Variants in CDC42BPA observed in about 807,000 individuals in gnomAD.
The protein encoded by CDC42BPA is CDC42 binding protein kinase alpha, also known as serine/threonine-protein kinase MRCK alpha.
A neutral mutation model predicts 223.5 loss-of-function variants in CDC42BPA; 80 were observed. The ratio of observed to expected loss-of-function variants is 0.36; its 90% confidence interval spans 0.30 to 0.43. The LOEUF is 0.43. CDC42BPA is among the 20% of genes least tolerant of loss of function. CDC42BPA has a pLI of 1.00. For synonymous variants in CDC42BPA, 694 were observed against 718.6 expected (o/e 0.97, Z 0.55); for missense variants, 1,743 against 2,099.9 (o/e 0.83, Z 3.32).
intron 5 of CDC42BPA, among the ~76,000 whole-genome samples, chr1:227,175,518 A>T (rs1666800678): frequency 6.6e-6 from 1 of 152,192 alleles, no homozygotes; most frequent in African/African-American, 2.4e-5. Context: ...CCAAGTAATC[A>T]TTCATTACAT....
intron 17 of CDC42BPA, among the ~76,000 whole-genome samples, chr1:227,078,044 TAAGTG>T (rs1319683586): frequency 6.6e-6 from 1 of 152,134 alleles, no homozygotes; most frequent in Non-Finnish European, 1.5e-5. Context: ...ATCTTACAAA[TAAGTG>T]AAGGTAAAAT....
Position 227,257,780 on chromosome 1 carries a change from A to T in CDC42BPA, c.179-3625T>A, listed in dbSNP as rs561997120. The stretch of plus-strand genomic sequence containing the variant: ...AAAAAAAAAGGAAGAAAACTTTTTT[A>T]AAAATCACACGCAAGTTTGACAAGG... On this transcript the variant is annotated intron_variant, in intron 1 of 36. Transcript: ENST00000366766. Among the ~76,000 whole-genome samples, 12 of 150,610 alleles carry T rather than the reference A, an allele frequency of 8.0e-5. No individual in the cohort carries two copies. In the East Asian group the frequency reaches 2.3e-3, roughly 29 times the overall value.
At chr1:227,219,020 A>G (rs1675368349) in intron 2 of CDC42BPA, among the ~76,000 whole-genome samples, 1 of 152,186 alleles carries the variant, frequency 6.6e-6, no homozygotes, top group African/African-American at 2.4e-5. Flanking sequence ...TGGCTATAAA[A>G]TACAGTATGC....
intron 24 of CDC42BPA, among the ~76,000 whole-genome samples, chr1:227,039,510 A>T (rs963176795): frequency 6.6e-6 from 1 of 152,178 alleles, no homozygotes; most frequent in Non-Finnish European, 1.5e-5. Context: ...CAGAGGTCCT[A>T]GGAAAAATAA....
intron 5 of CDC42BPA, among the ~76,000 whole-genome samples, chr1:227,165,797 TA>T (rs1467769667): frequency 6.6e-6 from 1 of 152,160 alleles, no homozygotes; most frequent in Admixed American, 6.5e-5. Flanking sequence ...AAATAACTTT[TA>T]AAAAATAGAA....
At chr1:227,056,163 C>T (rs192751093) in intron 21 of CDC42BPA, among the ~76,000 whole-genome samples, 1 of 152,220 alleles carries the variant, frequency 6.6e-6, no homozygotes, top group East Asian at 1.9e-4. Context: ...TAAAACCACT[C>T]ATCTTGAATA....
intron 6 of CDC42BPA, among the ~76,000 whole-genome samples, chr1:227,149,588 C>CA (rs1233168330): frequency 6.6e-6 from 1 of 151,968 alleles, no homozygotes; most frequent in Non-Finnish European, 1.5e-5. Flanking sequence ...TCAACAAACA[C>CA]AAAAGTTTTT....
intron 1 of CDC42BPA, among the ~76,000 whole-genome samples, chr1:227,287,124 C>T (rs570554010): frequency 3.3e-5 from 5 of 152,338 alleles, no homozygotes; most frequent in African/African-American, 1.2e-4. Flanking sequence ...TCAATGCTTG[C>T]TGATAAAAGT....
intron 3 of CDC42BPA, among the ~76,000 whole-genome samples, chr1:227,200,125 A>ATGTGT (rs1553391760): frequency 2.0e-5 from 3 of 151,638 alleles, no homozygotes; most frequent in Non-Finnish European, 2.9e-5. Context: ...CAAACAACAG[A>ATGTGT]TTTGTGTTTT....
intron 2 of CDC42BPA, among the ~76,000 whole-genome samples, chr1:227,237,508 G>A (rs1012706322): frequency 2.0e-5 from 3 of 152,070 alleles, no homozygotes; most frequent in Non-Finnish European, 4.4e-5. Flanking sequence ...TCTGGAGATC[G>A]CGCTACATAG....
chr1:227,024,618 T>C (rs749977979), intron 31 of CDC42BPA, among the ~76,000 whole-genome samples: 2 of 152,162 alleles, frequency 1.3e-5, no homozygotes, highest in African/African-American at 4.8e-5. Context: ...CAATAAACTA[T>C]ATGGTATATA....
chr1:227,052,045 G>A (rs10799381), intron 21 of CDC42BPA, 60 bp from the exon 22 acceptor site: 1 of 1,008,074 alleles, frequency 9.9e-7, no homozygotes, highest in Middle Eastern at 2.5e-4. Context: ...CAATGTGCAG[G>A]CTTAGCAAAT....
At position 227,317,012 on chromosome 1, in the gene CDC42BPA, T is replaced by C. The variant is rs1694524107; in HGVS notation, c.171A>G (p.Leu57=). 11 of 1,612,076 alleles carry C rather than the reference T, an allele frequency of 6.8e-6. No individual in the cohort carries two copies. The highest frequency in any genetic ancestry group is 6.6e-5 in the South Asian group (6 of 90,960). ...TAAAAATTACAAACTTACCCCATTCTAGGTATTCGAGAATGTTCTTCTCTC... is the reference window on the plus strand; with the variant it reads ...TAAAAATTACAAACTTACCCCATTCCAGGTATTCGAGAATGTTCTTCTCTC... ...LRREKNILEY[L]EWAKPFTSKV... The change falls in exon 1 of 37, where the codon CTA becomes CTG. Residue 57 remains leucine (L), a synonymous_variant. Coordinates refer to ENST00000366766, the MANE Select transcript of CDC42BPA (RefSeq NM_001394014.1).
intron 2 of CDC42BPA, among the ~76,000 whole-genome samples, chr1:227,231,238 G>A (rs1033799153): frequency 2.1e-5 from 2 of 96,094 alleles, no homozygotes; most frequent in Admixed American, 2.4e-4. Flanking sequence ...ATGCGGTGTT[G>A]TTTTCTGTCC....
chr1:227,232,768 C>T (rs1678245924), intron 2 of CDC42BPA, among the ~76,000 whole-genome samples: 1 of 152,204 alleles, frequency 6.6e-6, no homozygotes, highest in Non-Finnish European at 1.5e-5. Flanking sequence ...GATCCTTCTT[C>T]TGGAAGCTTC....
chr1:227,245,271 C>CTTTGTCTTGCATCTTT (rs1386895038), intron 2 of CDC42BPA, among the ~76,000 whole-genome samples: 1 of 142,852 alleles, frequency 7.0e-6, no homozygotes, highest in Admixed American at 7.2e-5. Flanking sequence ...GTAAAGAGGA[C>CTTTGTCTTGCATCTTT]TTTGTCTTGC....
intron 16 of CDC42BPA, among the ~76,000 whole-genome samples, chr1:227,086,872 C>T (rs2149202295): frequency 6.6e-6 from 1 of 152,094 alleles, no homozygotes; most frequent in African/African-American, 2.4e-5. Context: ...AAGGTCTCAC[C>T]ATATTTCCCA....
chr1:227,193,168 A>T (rs1294643945), intron 5 of CDC42BPA, among the ~76,000 whole-genome samples: 1 of 143,998 alleles, frequency 6.9e-6, no homozygotes, highest in African/African-American at 2.6e-5. Flanking sequence ...TCCCGGGTTC[A>T]CGCCATTCTC....
At chr1:227,030,578 T>A in intron 28 of CDC42BPA, 108 bp from the exon 29 acceptor site, 1 of 651,342 alleles carries the variant, frequency 1.5e-6, no homozygotes. Context: ...TAAAATGAAT[T>A]ACAATAACAG....
Sources: allele counts gnomAD v4.1 joint callset (sites outside exome capture counted in the v4.1 genomes callset), GRCh38; gene constraint gnomAD v4.1.1; transcripts MANE v1.5; gene names NCBI Gene and HGNC (gene_info 2026-07-23, HGNC 2026-07-21).